MACROD2: variants seen among roughly 807,000 people sequenced by gnomAD.
MACROD2 encodes the protein mono-ADP ribosylhydrolase 2, also known as ADP-ribose glycohydrolase MACROD2.
Under a neutral mutation model 70.4 loss-of-function variants are expected in MACROD2, and 36 were observed. The ratio of observed to expected loss-of-function variants is 0.51; its 90% confidence interval spans 0.39 to 0.68. The LOEUF (loss-of-function observed/expected upper bound fraction) is 0.68. Ranked by LOEUF, MACROD2 falls within the 30% of genes least tolerant of loss-of-function variation. MACROD2 has a pLI of 0.00. For missense variants in MACROD2, 496 were observed against 538.4 expected (o/e 0.92, Z 0.78); for synonymous variants, 172 against 178.8 (o/e 0.96, Z 0.30).
chr20:15,906,060 G>A (rs1246198839), intron 10 of MACROD2, among the ~76,000 whole-genome samples: 2 of 152,186 alleles, frequency 1.3e-5, no homozygotes, highest in Non-Finnish European at 2.9e-5. Context: ...TTTGCTGCTG[G>A]CAGAAGGAAA....
intron 5 of MACROD2, among the ~76,000 whole-genome samples, chr20:15,022,688 C>A (rs1035619976): frequency 6.6e-6 from 1 of 152,162 alleles, no homozygotes; most frequent in African/African-American, 2.4e-5. Flanking sequence ...ATTAACTCTT[C>A]TCATTACATA....
intron 9 of MACROD2, among the ~76,000 whole-genome samples, chr20:15,865,303 G>A (rs973128071): frequency 2.0e-5 from 3 of 151,740 alleles, no homozygotes; most frequent in Non-Finnish European, 2.9e-5. Flanking sequence ...AACTACTACA[G>A]TTCAATAATA....
intron 7 of MACROD2, among the ~76,000 whole-genome samples, chr20:15,439,224 C>G (rs766867293): frequency 2.4e-4 from 36 of 152,150 alleles, no homozygotes; most frequent in Non-Finnish European, 4.4e-4. Context: ...CCAGACCCAG[C>G]CCATCTCTCC....
intron 6 of MACROD2, among the ~76,000 whole-genome samples, chr20:15,270,312 C>A (rs949592535): frequency 1.3e-5 from 2 of 152,108 alleles, no homozygotes; most frequent in Non-Finnish European, 2.9e-5. Context: ...ACTTTTGATA[C>A]ATGCAACTAC....
chr20:15,850,238 A>G (rs1340916237), intron 8 of MACROD2, among the ~76,000 whole-genome samples: 1 of 152,112 alleles, frequency 6.6e-6, no homozygotes, highest in Non-Finnish European at 1.5e-5. Context: ...CCAGGCATTT[A>G]TCCCTCTGGA....
At chr20:15,669,683 G>A (rs6043424) in intron 8 of MACROD2, among the ~76,000 whole-genome samples, 66,663 of 151,702 alleles carry the variant, frequency 0.44, 15,276 homozygotes, top group South Asian at 0.64. Context: ...GAATTTGCCT[G>A]GCAAGAGCAA....
chr20:14,367,849 T>G (rs1274786956), intron 3 of MACROD2, among the ~76,000 whole-genome samples: 3 of 152,162 alleles, frequency 2.0e-5, no homozygotes, highest in Non-Finnish European at 4.4e-5. Context: ...TCTTTACAAA[T>G]TCTGTCTGCT....
intron 4 of MACROD2, among the ~76,000 whole-genome samples, chr20:14,676,495 A>G (rs980755173): frequency 2.0e-5 from 3 of 152,252 alleles, no homozygotes; most frequent in African/African-American, 7.2e-5. Flanking sequence ...TAAGGCAGAA[A>G]TAAATAAATT....
At chr20:14,525,605 T>C (rs1412715183) in intron 4 of MACROD2, among the ~76,000 whole-genome samples, 1 of 152,238 alleles carries the variant, frequency 6.6e-6, no homozygotes. Flanking sequence ...TACAATGCCA[T>C]GTGGCCACCT....
At chr20:15,110,948 G>A (rs2075949442) in intron 5 of MACROD2, among the ~76,000 whole-genome samples, 1 of 152,156 alleles carries the variant, frequency 6.6e-6, no homozygotes, top group Non-Finnish European at 1.5e-5. Flanking sequence ...TGGACACTGT[G>A]CTCAGCACCT....
At chr20:14,109,385 A>T (rs891542486) in intron 3 of MACROD2, among the ~76,000 whole-genome samples, 11 of 151,932 alleles carry the variant, frequency 7.2e-5, no homozygotes, top group Non-Finnish European at 1.3e-4. Context: ...AATTAATAGA[A>T]GAAAGAAATA....
At chr20:14,506,981 C>A (rs763810647) in intron 4 of MACROD2, among the ~76,000 whole-genome samples, 4 of 151,938 alleles carry the variant, frequency 2.6e-5, no homozygotes, top group Non-Finnish European at 5.9e-5. Flanking sequence ...TAATCGTGTT[C>A]CAGAGTTGCG....
At chr20:15,956,690 T>G (rs2065981698) in intron 12 of MACROD2, among the ~76,000 whole-genome samples, 1 of 152,164 alleles carries the variant, frequency 6.6e-6, no homozygotes, top group African/African-American at 2.4e-5. Flanking sequence ...TTGTTAGACA[T>G]GCAAATTCTC....
chr20:14,672,060 T>TGAG (rs2070801485), intron 4 of MACROD2, among the ~76,000 whole-genome samples: 1 of 152,216 alleles, frequency 6.6e-6, no homozygotes, highest in Admixed American at 6.5e-5. Context: ...TCCCTTCTGA[T>TGAG]GAGGATGATG....
chr20:14,238,354 A>G (rs1369748115), intron 3 of MACROD2, among the ~76,000 whole-genome samples: 1 of 152,212 alleles, frequency 6.6e-6, no homozygotes, highest in Admixed American at 6.5e-5. Flanking sequence ...ATGAAATTCA[A>G]CATCCATTCA....
rs754611505 is a variant in MACROD2, at chr20:14,684,935, T to A, written c.394T>A (p.Cys132Ser). Residue 132 changes from cysteine to serine, a missense_variant, in exon 5 of 18, where the codon TGT becomes AGT. Coordinates refer to ENST00000684519, the MANE Select transcript of MACROD2 (RefSeq NM_001351661.2). Reference protein sequence around the residue: ...GCDTGHAKITCGYDLPAKYVI... With the variant: ...GCDTGHAKITSGYDLPAKYVI... ...TGATACTGGACATGCAAAAATCACATGTGGCTATGACCTTCCTGCAAAATG... is the reference window on the plus strand; with the variant it reads ...TGATACTGGACATGCAAAAATCACAAGTGGCTATGACCTTCCTGCAAAATG... 1.1e-5 allele frequency: 18 copies of A among 1,613,918 alleles called. No homozygotes were observed. The highest frequency in any genetic ancestry group is 1.5e-5 in the Non-Finnish European group (18 of 1,179,856).
chr20:14,507,841 T>C (rs1051476167), intron 4 of MACROD2, among the ~76,000 whole-genome samples: 8 of 152,126 alleles, frequency 5.3e-5, no homozygotes, highest in Non-Finnish European at 8.8e-5. Flanking sequence ...TTGAGTGCGC[T>C]GGCCTGTTTG....
chr20:15,452,458 C>T (rs528220249), intron 7 of MACROD2, among the ~76,000 whole-genome samples: 25 of 152,206 alleles, frequency 1.6e-4, no homozygotes, highest in East Asian at 7.7e-4. Context: ...TATTTTGAAA[C>T]GCTTGGTCTT....
At chr20:14,008,129 A>G (rs867981979) in intron 2 of MACROD2, among the ~76,000 whole-genome samples, 1 of 152,298 alleles carries the variant, frequency 6.6e-6, no homozygotes, top group African/African-American at 2.4e-5. Flanking sequence ...CAGGGTAATC[A>G]GGCAAGAGAA....
Sources: gnomAD v4.1 joint callset for allele counts (sites outside exome capture counted in the v4.1 genomes callset) on GRCh38, gnomAD v4.1.1 for gene constraint, MANE v1.5 for transcripts, NCBI Gene and HGNC (gene_info 2026-07-23, HGNC 2026-07-21) for gene names.